Variants in MYT1L observed in about 807,000 individuals in gnomAD.
MYT1L encodes myelin transcription factor 1-like protein.
A neutral mutation model predicts 126.7 loss-of-function variants in MYT1L; 12 were observed. The ratio of observed to expected loss-of-function variants is 0.09; its 90% CI spans 0.06 to 0.15. The LOEUF is 0.15. MYT1L is among the 10% of genes least tolerant of loss of function. MYT1L has a pLI of 1.00. For synonymous variants in MYT1L, 541 were observed against 604.2 expected, an observed-to-expected ratio of 0.90 and a Z score of 1.53; for missense variants, 979 against 1,585.2, an observed-to-expected ratio of 0.62 and a Z score of 6.49.
chr2:2,271,355 A>C lies in MYT1L; in HGVS notation c.-421+13049T>G, dbSNP rs147152407. 3.9e-5 allele frequency among the ~76,000 whole-genome samples: 6 copies of C among 152,320 alleles called. No individual in the cohort carries two copies. The East Asian group carries it at 7.7e-4, about 20-fold the overall frequency. ...CCAGTTAATGAAAGACAATTCTTAC[A>C]TTCCTAAAACAATGTTCACACACAT... On this transcript the variant is annotated intron_variant, in intron 2 of 24. Transcript: ENST00000647738.
At chr2:2,239,676 T>G (rs1235677054) in intron 2 of MYT1L, among the ~76,000 whole-genome samples, 1 of 152,200 alleles carries the variant, frequency 6.6e-6, no homozygotes, top group African/African-American at 2.4e-5. Flanking sequence ...TGCTGATAGA[T>G]TCCAAAAATA....
chr2:2,154,972 C>T (rs1248567429), intron 3 of MYT1L, among the ~76,000 whole-genome samples: 4 of 152,034 alleles, frequency 2.6e-5, no homozygotes, highest in Non-Finnish European at 4.4e-5. Context: ...ACTAAAAATA[C>T]AAAAATTAGC....
chr2:2,195,857 A>G (rs2092775836), intron 2 of MYT1L, among the ~76,000 whole-genome samples: 1 of 152,170 alleles, frequency 6.6e-6, no homozygotes, highest in Non-Finnish European at 1.5e-5. Flanking sequence ...ATATTAATAT[A>G]TAGTGATAAA....
intron 3 of MYT1L, among the ~76,000 whole-genome samples, chr2:2,147,147 C>A (rs960709482): frequency 1.3e-5 from 2 of 152,226 alleles, no homozygotes; most frequent in South Asian, 2.1e-4. Context: ...CTCAGACAGG[C>A]ATTTGGAGAC....
At position 1,848,884 on chromosome 2, in the gene MYT1L, T is replaced by C. The variant is rs757245358; in HGVS notation, c.2774+2757A>G. ...GAAGCTGTTACTAGAACAAGTAACG[T>C]CACAAGGTGCTCCACCTTCAGTACG... On this transcript the variant is annotated intron_variant, in intron 19 of 24. Coordinates refer to ENST00000647738, the MANE Select transcript of MYT1L (RefSeq NM_001303052.2). The surrounding 1 kb of genome is among the most constrained non-coding windows in gnomAD (Gnocchi z 4.8). 4.6e-5 allele frequency among the ~76,000 whole-genome samples: 7 copies of C among 152,188 alleles called. No homozygotes were observed. Among genetic ancestry groups the C allele is most frequent in the Non-Finnish European group, 1.0e-4 (7 of 68,030 alleles).
chr2:1,915,926 G>A (rs1295545099), intron 11 of MYT1L, among the ~76,000 whole-genome samples: 3 of 152,254 alleles, frequency 2.0e-5, no homozygotes, highest in East Asian at 1.9e-4. Flanking sequence ...GTCGATTGCG[G>A]GTTCAGTGAA....
intron 21 of MYT1L, among the ~76,000 whole-genome samples, chr2:1,817,838 G>A (rs2037921033): frequency 6.6e-6 from 1 of 152,330 alleles, no homozygotes; most frequent in African/African-American, 2.4e-5. Context: ...CGTTAGTTCT[G>A]AACCTGAGAC....
intron 2 of MYT1L, among the ~76,000 whole-genome samples, chr2:2,254,458 G>T (rs544750208): frequency 3.3e-5 from 5 of 152,234 alleles, no homozygotes; most frequent in Admixed American, 6.5e-5. Context: ...TTCCAGAGGC[G>T]CTGGAGCTGC....
At chr2:2,090,524 C>T (rs1469076356) in intron 3 of MYT1L, among the ~76,000 whole-genome samples, 2 of 152,268 alleles carry the variant, frequency 1.3e-5, no homozygotes, top group East Asian at 3.9e-4. Flanking sequence ...GAGGGTTTTG[C>T]CTCAATGTCG....
rs561867312 is a variant in MYT1L at position 2,116,164 on chromosome 2, G to C, written c.-304+56708C>G. The stretch of plus-strand genomic sequence containing the variant: ...TGCTGAGGGCTAGGCACAAAACCAC[G>C]AGGAAGAAAAGGCCATCCAGGGACT... On this transcript the variant is annotated intron_variant, in intron 3 of 24. Coordinates refer to ENST00000647738, the MANE Select transcript of MYT1L (RefSeq NM_001303052.2). 3.3e-5 allele frequency among the ~76,000 whole-genome samples: 5 copies of C among 152,340 alleles called. No individual in the cohort carries two copies. The South Asian group carries it at 1.0e-3, about 32-fold the overall frequency.
At chr2:2,083,606 G>A (rs970060634) in intron 3 of MYT1L, among the ~76,000 whole-genome samples, 8 of 152,212 alleles carry the variant, frequency 5.3e-5, no homozygotes, top group Admixed American at 5.2e-4. Context: ...ATCTGGAATC[G>A]TACAATTTTT....
chr2:2,267,344 G>T (rs1388115825), intron 2 of MYT1L, among the ~76,000 whole-genome samples: 1 of 152,226 alleles, frequency 6.6e-6, no homozygotes, highest in Non-Finnish European at 1.5e-5. Flanking sequence ...GAAACTCAGA[G>T]AGGTGGAGTG....
At chr2:2,102,916 A>G (rs2078272554) in intron 3 of MYT1L, among the ~76,000 whole-genome samples, 1 of 152,082 alleles carries the variant, frequency 6.6e-6, no homozygotes, top group Non-Finnish European at 1.5e-5. Context: ...AACAAATTAT[A>G]TTAATATATA....
At chr2:2,216,005 C>T (rs2093665463) in intron 2 of MYT1L, among the ~76,000 whole-genome samples, 4 of 152,000 alleles carry the variant, frequency 2.6e-5, no homozygotes, top group African/African-American at 7.2e-5. Flanking sequence ...CCCCAACCTT[C>T]TCTCCTCTTT....
At chr2:2,197,546 T>C (rs934950049) in intron 2 of MYT1L, among the ~76,000 whole-genome samples, 17 of 151,490 alleles carry the variant, frequency 1.1e-4, no homozygotes, top group African/African-American at 2.9e-4. Flanking sequence ...TACACCCATA[T>C]ATACATACAT....
At chr2:2,164,082 A>G (rs1476406245) in intron 3 of MYT1L, among the ~76,000 whole-genome samples, 2 of 152,212 alleles carry the variant, frequency 1.3e-5, no homozygotes, top group Middle Eastern at 6.3e-3. Flanking sequence ...GATATTAAAC[A>G]GAAATAGTGT....
At chr2:1,945,311 C>T (rs1420634764) in intron 8 of MYT1L, among the ~76,000 whole-genome samples, 1 of 152,150 alleles carries the variant, frequency 6.6e-6, no homozygotes. Flanking sequence ...AGAGGAGGTG[C>T]AGGCTAGAGA....
chr2:2,123,263 C>A (rs1477143218), intron 3 of MYT1L, among the ~76,000 whole-genome samples: 1 of 152,190 alleles, frequency 6.6e-6, no homozygotes, highest in Non-Finnish European at 1.5e-5. Flanking sequence ...CGGAATAATG[C>A]TCTTCTTTCC....
intron 21 of MYT1L, among the ~76,000 whole-genome samples, chr2:1,838,449 T>G (rs1328427010): frequency 6.6e-6 from 1 of 152,100 alleles, no homozygotes; most frequent in Non-Finnish European, 1.5e-5. Flanking sequence ...AGGAAACCAT[T>G]GTAAATCTCC....
Sources: allele counts gnomAD v4.1 joint callset (sites outside exome capture counted in the v4.1 genomes callset), GRCh38; gene constraint gnomAD v4.1.1; non-coding constraint Gnocchi (gnomAD v3.1); transcripts MANE v1.5; gene names NCBI Gene and HGNC (gene_info 2026-07-23, HGNC 2026-07-21).